Variants in ORC1 observed in about 807,000 individuals in gnomAD.
ORC1 encodes the protein origin recognition complex subunit 1, also known as origin recognition complex, subunit 1 homolog.
A neutral mutation model predicts 98.9 loss-of-function variants in ORC1; 61 were observed. The observed-to-expected ratio is 0.62, with a 90% CI of 0.50 to 0.76. ORC1 has a LOEUF of 0.76. Ranked by LOEUF, ORC1 falls within the 30% of genes least tolerant of loss-of-function variation. ORC1 has a pLI of 0.00. For synonymous variants in ORC1, 385 were observed against 406.9 expected (o/e 0.95, Z 0.65); for missense variants, 979 against 1,072.2 (o/e 0.91, Z 1.21).
chr1:52,396,056 C>A lies in ORC1; in HGVS notation c.711G>T (p.Leu237=). 3 of 1,614,170 alleles carry A rather than the reference C, an allele frequency of 1.9e-6. No individual in the cohort carries two copies. In the South Asian group the frequency reaches 3.3e-5, roughly 18 times the overall value. ...HPLTPRARKR[L]ELGNLGNPQM... ...CATTCCACAACTTACTGCCAAGCTC[C>A]AGCCTCTTTCTGGCTCTTGGGGTAA... The change falls in exon 5 of 17, where the codon CTG becomes CTT. Residue 237 remains leucine (L), a synonymous_variant. Coordinates refer to ENST00000371568, the MANE Select transcript of ORC1 (RefSeq NM_004153.4).
chr1:52,376,840 A>C lies in ORC1; in HGVS notation c.2134-1241T>G, dbSNP rs769840223. Reference sequence around the variant, plus strand: ...GCTGGGACAAGGGAGACACAAGAAGAAGCTAAGGCCCAGCCAACATGGAAC... The same window carrying C: ...GCTGGGACAAGGGAGACACAAGAAGCAGCTAAGGCCCAGCCAACATGGAAC... On this transcript the variant is annotated intron_variant, in intron 14 of 16. Coordinates refer to ENST00000371568, the MANE Select transcript of ORC1 (RefSeq NM_004153.4). Among the ~76,000 whole-genome samples, 114 of 152,220 alleles carry C rather than the reference A, an allele frequency of 7.5e-4. 1 individual carries two copies. The highest frequency in any genetic ancestry group is 1.2e-3 in the African/African-American group (48 of 41,538).
upstream of ORC1, among the ~76,000 whole-genome samples, chr1:52,406,089 A>G (rs1647982326): frequency 6.6e-6 from 1 of 152,140 alleles, no homozygotes; most frequent in Non-Finnish European, 1.5e-5. Flanking sequence ...CCTGGGTTCA[A>G]GTGATTCTCC....
upstream of ORC1, chr1:52,404,698 G>A: frequency 6.3e-7 from 1 of 1,588,720 alleles, no homozygotes; most frequent in Middle Eastern, 1.8e-4. Context: ...TTCTGAACCT[G>A]GATGTGAGGC....
chr1:52,396,407 A>C (rs758624412), intron 4 of ORC1, 43 bp from the exon 5 acceptor site: 34 of 1,612,704 alleles, frequency 2.1e-5, no homozygotes, highest in Non-Finnish European at 2.7e-5. Flanking sequence ...GATGAGCCCC[A>C]AGAGAGCCAA....
Position 52,394,609 on chromosome 1 carries a change from T to C in ORC1, c.722-806A>G, listed in dbSNP as rs186433091. On this transcript the variant is annotated intron_variant, in intron 5 of 16. Coordinates refer to ENST00000371568, the MANE Select transcript of ORC1 (RefSeq NM_004153.4). ...TGAAAGAGGAAGAAGAGGGGACATA[T>C]GAGGACCTAAAGAAAAAAAAAAGAA... Among the ~76,000 whole-genome samples, 13 of 152,078 alleles carry C rather than the reference T, an allele frequency of 8.5e-5. No homozygotes were observed. The East Asian group carries it at 9.7e-4, about 11-fold the overall frequency.
In ORC1 at chr1:52,401,375, C is replaced by T; in HGVS notation, c.210G>A (p.Glu70=). Residue 70 remains glutamate, a synonymous_variant, in exon 3 of 17, where the codon GAG becomes GAA. Coordinates refer to ENST00000371568, the MANE Select transcript of ORC1 (RefSeq NM_004153.4). ...DENPYVAKLL[E]LFEDDSDPPP... The stretch of plus-strand genomic sequence containing the variant: ...TCCCAAACTCACCATCTTCGAACAA[C>T]TCAAGCAATTTAGCAACATACGGGT... 6.2e-7 allele frequency: 1 copy of T among 1,614,140 alleles called. No homozygotes were observed. The highest frequency in any genetic ancestry group is 8.5e-7 in the Non-Finnish European group (1 of 1,180,030).
intron 14 of ORC1, among the ~76,000 whole-genome samples, chr1:52,377,964 A>G (rs1647015709): frequency 6.6e-6 from 1 of 152,212 alleles, no homozygotes. Context: ...CGTCATATGT[A>G]AAGAAATAGA....
intron 16 of ORC1, among the ~76,000 whole-genome samples, chr1:52,374,011 G>A (rs748484117): frequency 1.2e-4 from 18 of 152,110 alleles, no homozygotes; most frequent in South Asian, 4.1e-4. Flanking sequence ...GTCTATCCCC[G>A]TCCCAGCCCC....
Position 52,388,474 on chromosome 1 carries a change from A to C in ORC1, c.1351T>G (p.Leu451Val), listed in dbSNP as rs747550939. ...TTTGGCACCTTCGTGAGGGTATGTA[A>C]GGATGACTTCAAGGAAGATCGCAGG... ...RNLRSSLKSS[L>V]HTLTKVPKKS... Residue 451 changes from leucine to valine, a missense_variant, in exon 8 of 17, where the codon TTA becomes GTA. Transcript: ENST00000371568. The C allele has an allele frequency of 8.1e-6, 13 of 1,614,138 alleles. No homozygotes were observed. The highest frequency in any genetic ancestry group is 1.1e-5 in the Non-Finnish European group (13 of 1,180,004).
At chr1:52,401,567 G>A in intron 2 of ORC1, 78 bp from the exon 3 acceptor site, 1 of 1,521,432 alleles carries the variant, frequency 6.6e-7, no homozygotes, top group Non-Finnish European at 9.1e-7. Context: ...GCACAAAGGA[G>A]AGGGCTCTCC....
intron 14 of ORC1, among the ~76,000 whole-genome samples, chr1:52,377,281 GTTTT>G (rs1274834452): frequency 1.3e-5 from 2 of 150,174 alleles, no homozygotes; most frequent in East Asian, 4.0e-4. Context: ...CTTTTTGTTG[GTTTT>G]TTTGTTTGAG....
chr1:52,384,256 C>T (rs757378142), intron 11 of ORC1, among the ~76,000 whole-genome samples: 5 of 152,200 alleles, frequency 3.3e-5, no homozygotes, highest in South Asian at 2.1e-4. Context: ...CAAGGCTTAA[C>T]CTCTGGCCTG....
Position 52,388,538 on chromosome 1 carries a change from C to A in ORC1, c.1287G>T (p.Pro429=), listed in dbSNP as rs61756135. 3 of 1,614,000 alleles carry A rather than the reference C, an allele frequency of 1.9e-6. No individual in the cohort carries two copies. The highest frequency in any genetic ancestry group is 2.2e-5 in the East Asian group (1 of 44,880). ...SSSDEEEAST[P]PLPRRAPRTV... is the part of the protein sequence containing the mutation. ...TTCTGGGTGCTCTCCTTGGAAGGGG[C>A]GGTGTGGAAGCCTCTTCTTCGTCAC... Residue 429 remains proline (P), a synonymous_variant, in exon 8 of 17, where the codon CCG becomes CCT. Transcript: ENST00000371568.
intron 6 of ORC1, 118 bp downstream of exon 6, chr1:52,393,322 TCCC>T: frequency 7.5e-7 from 1 of 1,331,496 alleles, no homozygotes. Flanking sequence ...TTAAGAAAGC[TCCC>T]CAATACTTCT....
intron 6 of ORC1, among the ~76,000 whole-genome samples, chr1:52,392,737 A>G (rs1287742193): frequency 6.6e-6 from 1 of 152,248 alleles, no homozygotes; most frequent in African/African-American, 2.4e-5. Flanking sequence ...CCATAAAACA[A>G]TGAAATAATG....
At chr1:52,395,085 T>C (rs1647333041) in intron 5 of ORC1, among the ~76,000 whole-genome samples, 1 of 152,194 alleles carries the variant, frequency 6.6e-6, no homozygotes, top group Admixed American at 6.5e-5. Context: ...AAGTAACTTA[T>C]ACTTGAAGTT....
upstream of ORC1, chr1:52,408,437 C>A: frequency 8.3e-7 from 1 of 1,198,926 alleles, no homozygotes; most frequent in Non-Finnish European, 1.2e-6. Flanking sequence ...CTGCATTCTA[C>A]CTCCACAATT....
At chr1:52,391,331 AT>A (rs1277402279) in intron 6 of ORC1, among the ~76,000 whole-genome samples, 2 of 151,662 alleles carry the variant, frequency 1.3e-5, no homozygotes, top group East Asian at 3.9e-4. Context: ...AAAAAAAAAA[AT>A]CTAGATGATA....
intron 3 of ORC1, 147 bp from the exon 4 acceptor site, chr1:52,398,010 C>T: frequency 2.6e-6 from 2 of 756,938 alleles, no homozygotes; most frequent in Non-Finnish European, 4.5e-6. Context: ...GTCACCCAGG[C>T]TGGAGTGCAG....
Sources: gnomAD v4.1 joint callset for allele counts (sites outside exome capture counted in the v4.1 genomes callset) on GRCh38, gnomAD v4.1.1 for gene constraint, MANE v1.5 for transcripts, NCBI Gene and HGNC (gene_info 2026-07-23, HGNC 2026-07-21) for gene names.